The following AOAH variants were observed in gnomAD, a reference collection of about 807,000 sequenced individuals.
AOAH encodes the protein acyloxyacyl hydrolase.
In AOAH, 64 loss-of-function variants were observed where a neutral mutation model predicts 92.2. The ratio of observed to expected loss-of-function variants is 0.69; its 90% CI spans 0.57 to 0.86. The LOEUF is 0.86. AOAH is among the 40% of genes least tolerant of loss of function. AOAH has a pLI of 0.00. For missense variants in AOAH, 656 were observed against 694.6 expected (o/e 0.94, Z 0.62); for synonymous variants, 263 against 254.5 (o/e 1.03, Z -0.32).
chr7:36,676,308 T>C (rs1156921082), intron 2 of AOAH, among the ~76,000 whole-genome samples: 2 of 152,176 alleles, frequency 1.3e-5, no homozygotes, highest in Non-Finnish European at 2.9e-5. Context: ...TATTTCTATG[T>C]AGCAGAAGTG....
intron 13 of AOAH, among the ~76,000 whole-genome samples, chr7:36,553,663 T>C (rs1006934954): frequency 6.6e-6 from 1 of 152,126 alleles, no homozygotes; most frequent in Non-Finnish European, 1.5e-5. Context: ...TTCCTGACTT[T>C]TTAATGATCG....
chr7:36,645,972 C>T (rs973938009), intron 4 of AOAH, among the ~76,000 whole-genome samples: 2 of 152,080 alleles, frequency 1.3e-5, no homozygotes, highest in African/African-American at 2.4e-5. Flanking sequence ...CTCTTGCTAT[C>T]GCTTCCTATT....
In AOAH at chr7:36,513,121, A is replaced by G; in HGVS notation, c.*131T>C. On this transcript the variant is annotated 3_prime_UTR_variant, in exon 21 of 21. Coordinates refer to ENST00000617537, the MANE Select transcript of AOAH (RefSeq NM_001637.4). ...ATATGCTCTTCATTGAGAGAAAGAC[A>G]TTTTGCAAAGATGCTGCTGAAGAAG... The G allele has an allele frequency of 5.6e-6, 9 of 1,607,300 alleles. No homozygotes were observed. The highest frequency in any genetic ancestry group is 7.6e-6 in the Non-Finnish European group (9 of 1,179,540).
At chr7:36,612,211 T>C (rs1014160374) in intron 11 of AOAH, among the ~76,000 whole-genome samples, 21 of 152,326 alleles carry the variant, frequency 1.4e-4, no homozygotes, top group African/African-American at 4.3e-4. Flanking sequence ...CATCCAAAGA[T>C]AGCCAGTGGT....
intron 5 of AOAH, among the ~76,000 whole-genome samples, chr7:36,635,968 T>C (rs1291792001): frequency 2.6e-5 from 4 of 152,336 alleles, no homozygotes; most frequent in East Asian, 1.9e-4. Flanking sequence ...CATGGCCTCA[T>C]TGAGATCCAG....
chr7:36,548,645 A>G lies in AOAH; in HGVS notation c.1100T>C (p.Ile367Thr), dbSNP rs769777414. The G allele has an allele frequency of 4.3e-6, 7 of 1,613,900 alleles. No homozygotes were observed. The Admixed American group carries it at 8.3e-5, about 19-fold the overall frequency. Residue 367 changes from isoleucine (I) to threonine (T), a missense_variant, in exon 15 of 21, where the codon ATA becomes ACA. By Grantham distance (89) the Ile-to-Thr change is moderately conservative (BLOSUM62 -1). Transcript: ENST00000617537. ...NKVLDYPAIVIYAMIGNDVCS... is the reference protein window; with the variant it reads ...NKVLDYPAIVTYAMIGNDVCS... ...GACATCATTTCCAATCATGGCATAT[A>G]TAACGATGGCGGGATAGTCCAACAC... is the stretch of plus-strand genomic sequence containing the variant.
intron 11 of AOAH, among the ~76,000 whole-genome samples, chr7:36,598,627 G>T (rs564688559): frequency 7.7e-4 from 117 of 152,278 alleles, no homozygotes; most frequent in African/African-American, 2.7e-3. Context: ...ACTGTCCCAG[G>T]TTTAAGAGGA....
chr7:36,621,870 A>G, intron 7 of AOAH, 90 bp from the exon 8 acceptor site: 10 of 1,084,636 alleles, frequency 9.2e-6, no homozygotes, highest in Non-Finnish European at 1.3e-5. Context: ...AATGGCATTG[A>G]CATCCACAGT....
At chr7:36,623,118 T>C in intron 7 of AOAH, 72 bp downstream of exon 7, 1 of 1,239,534 alleles carries the variant, frequency 8.1e-7, no homozygotes, top group South Asian at 1.2e-5. Flanking sequence ...AGTCTTGTCT[T>C]ATTAAAGGAA....
intron 12 of AOAH, among the ~76,000 whole-genome samples, chr7:36,578,520 C>A (rs1386122436): frequency 6.6e-6 from 1 of 152,128 alleles, no homozygotes; most frequent in Non-Finnish European, 1.5e-5. Flanking sequence ...AGCAACCCCA[C>A]ACCTCCCTCC....
Position 36,551,572 on chromosome 7 carries a change from G to A in AOAH, c.1022-2097C>T, listed in dbSNP as rs573163326. On this transcript the variant is annotated intron_variant, in intron 13 of 20. Transcript: ENST00000617537. ...CCACCCTCCTACTTTCTGCCCTTAC[G>A]CATTTAACTATTCTAGGCACCTCAT... Among the ~76,000 whole-genome samples the A allele has an allele frequency of 7.6e-4, 116 of 152,170 alleles. 1 individual carries two copies. The highest frequency in any genetic ancestry group is 1.8e-3 in the African/African-American group (76 of 41,508).
At chr7:36,570,864 A>C (rs1788091667) in intron 13 of AOAH, among the ~76,000 whole-genome samples, 1 of 152,184 alleles carries the variant, frequency 6.6e-6, no homozygotes, top group African/African-American at 2.4e-5. Flanking sequence ...CTCCTAACTT[A>C]TTTAGGTTAA....
At chr7:36,575,222 G>A (rs748267364) in intron 13 of AOAH, among the ~76,000 whole-genome samples, 37 of 152,132 alleles carry the variant, frequency 2.4e-4, no homozygotes, top group Admixed American at 2.0e-3. Context: ...GGATGAGGCC[G>A]ATCTCTTTCT....
At chr7:36,629,511 A>G (rs1792921149) in intron 6 of AOAH, among the ~76,000 whole-genome samples, 1 of 152,032 alleles carries the variant, frequency 6.6e-6, no homozygotes, top group South Asian at 2.1e-4. Flanking sequence ...ATCTTCTTTC[A>G]TGTCTGATAT....
intron 1 of AOAH, among the ~76,000 whole-genome samples, chr7:36,701,881 T>C (rs894310648): frequency 1.1e-4 from 16 of 152,092 alleles, no homozygotes; most frequent in African/African-American, 3.9e-4. Context: ...GGGAAACAAG[T>C]ATTTTTTGCA....
intron 1 of AOAH, among the ~76,000 whole-genome samples, chr7:36,722,646 A>G (rs1799701669): frequency 6.6e-6 from 1 of 152,004 alleles, no homozygotes; most frequent in African/African-American, 2.4e-5. Context: ...TTAAAACAAG[A>G]CTTTGGAGGC....
At chr7:36,711,649 G>A (rs1384660467) in intron 1 of AOAH, among the ~76,000 whole-genome samples, 1 of 152,168 alleles carries the variant, frequency 6.6e-6, no homozygotes, top group Non-Finnish European at 1.5e-5. Context: ...AAGAGAGAGT[G>A]TATGGGAACT....
chr7:36,686,974 A>G (rs1049456527), intron 1 of AOAH, among the ~76,000 whole-genome samples, 180 bp from the exon 2 acceptor site: 4 of 152,144 alleles, frequency 2.6e-5, no homozygotes, highest in African/African-American at 2.4e-5. Flanking sequence ...AACAGCCCAC[A>G]TGGAGCAGAA....
intron 12 of AOAH, among the ~76,000 whole-genome samples, chr7:36,591,361 G>A (rs1361788564): frequency 6.6e-6 from 1 of 152,146 alleles, no homozygotes; most frequent in African/African-American, 2.4e-5. Context: ...CAGACTATGC[G>A]TTTTTTGTAA....
Sources: allele counts gnomAD v4.1 joint callset (sites outside exome capture counted in the v4.1 genomes callset), GRCh38; gene constraint gnomAD v4.1.1; transcripts MANE v1.5; gene names NCBI Gene and HGNC (gene_info 2026-07-23, HGNC 2026-07-21).